Variants in SSX1 observed in about 807,000 individuals in gnomAD.
The protein encoded by SSX1 is protein SSX1.
SSX1 carries 58 observed loss-of-function variants against 14.6 expected under a neutral mutation model. The observed-to-expected ratio is 3.96, with a 90% CI of 3.21 to 4.93. The LOEUF (loss-of-function observed/expected upper bound fraction) is 4.93. Among genes scored for constraint, SSX1 ranks in the 30% most tolerant of loss-of-function variants. The probability of loss-of-function intolerance (pLI) is 0.00; values close to 1 mark genes in which losing one functional copy is unlikely to be tolerated. For synonymous variants in SSX1, 46 were observed against 52.1 expected (o/e 0.88, Z 0.50); for missense variants, 272 against 143.1 (o/e 1.90, Z -4.60).
At chrX:48,266,020 G>T (rs1395621506) in intron 6 of SSX1, among the ~76,000 whole-genome samples, 1 of 111,905 alleles carries the variant, frequency 8.9e-6, no homozygotes. Context: ...ATGAAAGGAG[G>T]TATCGGTGAA....
Position 48,259,454 on chromosome X carries a change from GT to G in SSX1, c.280+832del, listed in dbSNP as rs782210642. 8.3e-5 allele frequency among the ~76,000 whole-genome samples: 9 copies of G among 108,309 alleles called. 1 individual carries two copies. Among genetic ancestry groups the G allele is most frequent in the East Asian group, 2.9e-4 (1 of 3,451 alleles). 94.1% of individuals were successfully genotyped at this position (108,309 alleles called of 115,157 possible). On this transcript the variant is annotated intron_variant, in intron 4 of 7. Transcript: ENST00000376919. The stretch of plus-strand genomic sequence containing the variant: ...AGACATGTTGTTCTTGCTAAACACT[GT>G]TTTTTTTTATTATACTTTAAGTTTT...
intron 4 of SSX1, among the ~76,000 whole-genome samples, chrX:48,259,948 G>A (rs1247965673): frequency 1.9e-5 from 2 of 103,123 alleles, no homozygotes; most frequent in African/African-American, 7.1e-5. Context: ...ATGATTTATA[G>A]TCCTTTGGGT....
rs1556934985 is a variant in SSX1 at position 48,258,722 on chromosome X, C to T, written c.280+91C>T. On this transcript the variant is annotated intron_variant, in intron 4 of 7. Coordinates refer to ENST00000376919, the MANE Select transcript of SSX1 (RefSeq NM_005635.4). ...GGGAAAGATCCTCTGGCATTTGTTCCCTCATACACATCAGGGTTGAGTGAA... is the reference window on the plus strand; with the variant it reads ...GGGAAAGATCCTCTGGCATTTGTTCTCTCATACACATCAGGGTTGAGTGAA... The T allele has an allele frequency of 7.0e-5, 51 of 729,659 alleles. No homozygotes were observed. In the South Asian group the frequency reaches 1.2e-3, roughly 17 times the overall value. 60.1% of individuals were successfully genotyped at this position (729,659 alleles called of 1,213,427 possible).
chrX:48,266,847 G>A lies in SSX1; in HGVS notation c.*5-7G>A, dbSNP rs782283819. 196 of 1,032,524 alleles carry A rather than the reference G, an allele frequency of 1.9e-4. 1 individual carries two copies. The African/African-American group carries it at 3.1e-3, about 16-fold the overall frequency. 85.1% of individuals were successfully genotyped at this position (1,032,524 alleles called of 1,213,427 possible). On this transcript the variant is annotated splice_region_variant and splice_polypyrimidine_tract_variant and intron_variant, in intron 7 of 7. Coordinates refer to ENST00000376919, the MANE Select transcript of SSX1 (RefSeq NM_005635.4). The stretch of plus-strand genomic sequence containing the variant: ...TCACTTACTTTCCTTCCCTCTTCTC[G>A]CCTCAGCCTGGGGGATACGACACAT...
At chrX:48,264,847 G>A (rs782134415) in intron 6 of SSX1, among the ~76,000 whole-genome samples, 1 of 112,802 alleles carries the variant, frequency 8.9e-6, no homozygotes, top group East Asian at 2.8e-4. Flanking sequence ...CTGTTGTTTA[G>A]TGTAGCCACG....
At chrX:48,263,057 C>T (rs1281743453) in intron 5 of SSX1, among the ~76,000 whole-genome samples, 2 of 109,492 alleles carry the variant, frequency 1.8e-5, no homozygotes, top group Admixed American at 9.8e-5. Context: ...TCGCTTGAAC[C>T]GGGGAGGAGG....
At chrX:48,260,191 T>C (rs1472081659) in intron 4 of SSX1, among the ~76,000 whole-genome samples, 6 of 104,766 alleles carry the variant, frequency 5.7e-5, no homozygotes, top group Admixed American at 5.2e-4. Flanking sequence ...TTTGCATTTC[T>C]CTGATGGCCA....
intron 4 of SSX1, among the ~76,000 whole-genome samples, chrX:48,261,211 C>T (rs1202751548): frequency 4.5e-5 from 5 of 111,987 alleles, no homozygotes; most frequent in Non-Finnish European, 9.4e-5. Context: ...ATCTCTATTA[C>T]TCCCCAGCTA....
chrX:48,260,836 T>C (rs2059601497), intron 4 of SSX1, among the ~76,000 whole-genome samples: 1 of 112,222 alleles, frequency 8.9e-6, no homozygotes, highest in Admixed American at 9.5e-5. Context: ...TTCCAGACAT[T>C]GTTTCATTAA....
chrX:48,256,866 G>A (rs1315795942), intron 1 of SSX1, among the ~76,000 whole-genome samples: 5 of 109,232 alleles, frequency 4.6e-5, no homozygotes, highest in Middle Eastern at 4.7e-3. Context: ...GTGTCAGAAC[G>A]CCCCCATTCA....
Position 48,266,962 on chromosome X carries a change from C to A in SSX1, c.*113C>A. On this transcript the variant is annotated 3_prime_UTR_variant, in exon 8 of 8. Coordinates refer to ENST00000376919, the MANE Select transcript of SSX1 (RefSeq NM_005635.4). ...TCATCAGGTGCATAGCAAGTGAAAG[C>A]AAGTGTTCACAACGGTGAAACTTGA... The A allele has an allele frequency of 2.4e-6, 2 of 833,043 alleles. No individual in the cohort carries two copies. The highest frequency in any genetic ancestry group is 3.5e-6 in the Non-Finnish European group (2 of 574,887). The allele number at this position is 833,043 out of a possible 1,213,427, so 68.7% of individuals were successfully genotyped here.
At chrX:48,260,110 C>A (rs1374065443) in intron 4 of SSX1, among the ~76,000 whole-genome samples, 2 of 97,037 alleles carry the variant, frequency 2.1e-5, no homozygotes, top group Non-Finnish European at 2.1e-5. Context: ...CTCTCCAGCA[C>A]CTGTTGTTTC....
Position 48,266,357 on chromosome X carries a change from G to C in SSX1, c.537G>C (p.Glu179Asp). 2.5e-6 allele frequency: 3 copies of C among 1,210,287 alleles called. No individual in the cohort carries two copies. The highest frequency in any genetic ancestry group is 1.7e-5 in the African/African-American group (1 of 57,786). ...RERKQLVIYE[E>D]ISDPEEDDE ...GAAAGCAGCTGGTGATTTATGAAGA[G>C]ATCAGTGACCCTGAGGAAGATGACG... The change falls in exon 7 of 8, where the codon GAG becomes GAC. Residue 179 changes from glutamate (E) to aspartate (D), a missense_variant. By Grantham distance (45) the Glu-to-Asp change is conservative (BLOSUM62 2). Coordinates refer to ENST00000376919, the MANE Select transcript of SSX1 (RefSeq NM_005635.4).
intron 6 of SSX1, 73 bp from the exon 7 acceptor site, chrX:48,266,214 T>C (rs1164135120): frequency 7.5e-6 from 9 of 1,200,862 alleles, no homozygotes; most frequent in Non-Finnish European, 9.0e-6. Context: ...AGGCATCTCC[T>C]TTTTTTGAGA....
At chrX:48,259,238 C>T (rs1279278754) in intron 4 of SSX1, among the ~76,000 whole-genome samples, 10 of 111,310 alleles carry the variant, frequency 9.0e-5, no homozygotes, top group African/African-American at 3.3e-4. Flanking sequence ...CTCAGGTGAT[C>T]CACCCACCTC....
At chrX:48,255,921 A>G (rs1194272028) in intron 1 of SSX1, among the ~76,000 whole-genome samples, 1 of 99,180 alleles carries the variant, frequency 1.0e-5, no homozygotes, top group Non-Finnish European at 2.0e-5. Flanking sequence ...TTTAGTAGAA[A>G]CCAGGTTTCA....
chrX:48,259,876 AGT>A (rs1556935208), intron 4 of SSX1, among the ~76,000 whole-genome samples: 5 of 104,528 alleles, frequency 4.8e-5, no homozygotes, highest in African/African-American at 1.4e-4. Flanking sequence ...GTTGGTTCCA[AGT>A]CTTTGCTATT....
rs782355582 is a variant in SSX1 at position 48,266,367 on chromosome X, C to G, written c.547C>G (p.Pro183Ala). The change falls in exon 7 of 8, where the codon CCT (proline) becomes GCT (alanine). Residue 183 changes from proline to alanine, a missense_variant. Pro to Ala is a conservative substitution (Grantham distance 27). Transcript: ENST00000376919. ...GGTGATTTATGAAGAGATCAGTGAC[C>G]CTGAGGAAGATGACGAGTAACTCCG... is the stretch of plus-strand genomic sequence containing the variant. The part of the protein sequence containing the change: ...QLVIYEEISD[P>A]EEDDE The G allele has an allele frequency of 1.7e-5, 20 of 1,208,316 alleles. 1 individual carries two copies. The Admixed American group carries it at 3.9e-4, about 24-fold the overall frequency.
intron 7 of SSX1, 118 bp downstream of exon 7, chrX:48,266,509 G>C (rs1318331151): frequency 8.8e-7 from 1 of 1,134,081 alleles, no homozygotes; most frequent in Non-Finnish European, 1.2e-6. Context: ...ATTTTCTACT[G>C]TACAGCATTG....
Sources: allele counts gnomAD v4.1 joint callset (sites outside exome capture counted in the v4.1 genomes callset), GRCh38; gene constraint gnomAD v4.1.1; transcripts MANE v1.5; gene names NCBI Gene and HGNC (gene_info 2026-07-23, HGNC 2026-07-21).